The following TNKS2 variants were observed in gnomAD, a reference collection of about 807,000 sequenced individuals.
The protein encoded by TNKS2 is tankyrase 2.
Under a neutral mutation model 137.6 loss-of-function variants are expected in TNKS2, and 72 were observed. The ratio of observed to expected loss-of-function variants is 0.52; its 90% CI spans 0.43 to 0.64. The LOEUF (loss-of-function observed/expected upper bound fraction) is 0.64. Among genes scored for constraint, TNKS2 ranks in the 30% least tolerant of loss-of-function variants. TNKS2 has a pLI of 0.00. For synonymous variants in TNKS2, 516 were observed against 512.1 expected (o/e 1.01, Z -0.10); for missense variants, 1,049 against 1,410.2 (o/e 0.74, Z 4.10).
rs74149306 is a variant in TNKS2 at position 91,859,305 on chromosome 10, A to G, written c.3095-157A>G. 3.4e-3 allele frequency among the ~76,000 whole-genome samples: 515 copies of G among 152,278 alleles called. 3 individuals are homozygous for G. The highest frequency in any genetic ancestry group is 0.011 in the African/African-American group (473 of 41,560). ...TTGATGTTAGCAGTTCTTTATTCTA[A>G]AATAGCTGGCTGACAGTTAACTTGT... On this transcript the variant is annotated intron_variant, in intron 24 of 26. Coordinates refer to ENST00000371627, the MANE Select transcript of TNKS2 (RefSeq NM_025235.4).
chr10:91,801,182 T>C (rs928018224), intron 1 of TNKS2, among the ~76,000 whole-genome samples: 3 of 152,220 alleles, frequency 2.0e-5, no homozygotes, highest in Non-Finnish European at 4.4e-5. Context: ...TGAAAATTAG[T>C]TTAGAAAACA....
intron 1 of TNKS2, chr10:91,812,593 C>G (rs1053262455): frequency 5.7e-6 from 1 of 175,234 alleles, no homozygotes; most frequent in African/African-American, 2.4e-5. Flanking sequence ...GTCACTGTAT[C>G]ATAAGGTTGT....
chr10:91,830,922 G>A lies in TNKS2; in HGVS notation c.1105-1G>A. 1 of 1,603,254 alleles carries A rather than the reference G, an allele frequency of 6.2e-7. No homozygotes were observed. The highest frequency in any genetic ancestry group is 8.5e-7 in the Non-Finnish European group (1 of 1,174,494). On this transcript the variant is annotated splice_acceptor_variant, in intron 9 of 26. Transcript: ENST00000371627. LOFTEE classifies it high-confidence loss of function. ...TTAATGCTGCAATTTAAATTATTTA[G>A]CATTGTGCTGCTGCATCTCCATATC...
At chr10:91,845,676 G>T in intron 17 of TNKS2, 76 bp from the exon 18 acceptor site, 1 of 1,205,806 alleles carries the variant, frequency 8.3e-7, no homozygotes, top group Non-Finnish European at 1.1e-6. Context: ...AAGTAGGTAC[G>T]TAACTAGTTT....
intron 1 of TNKS2, among the ~76,000 whole-genome samples, chr10:91,805,299 C>T (rs936580795): frequency 5.9e-5 from 9 of 152,116 alleles, no homozygotes; most frequent in Admixed American, 3.9e-4. Flanking sequence ...CTATCAGTCA[C>T]CAGACTGGTT....
At position 91,863,063 on chromosome 10, in the gene TNKS2, G is replaced by A. The variant is rs1374126891; in HGVS notation, c.*64G>A. 34 of 1,177,696 alleles carry A rather than the reference G, an allele frequency of 2.9e-5. No homozygotes were observed. Among genetic ancestry groups the A allele is most frequent in the Admixed American group, 4.1e-5 (2 of 49,208 alleles). 73.0% of individuals were successfully genotyped at this position (1,177,696 alleles called of 1,614,324 possible). A position where few individuals can be genotyped will look rare whatever the true frequency, so the allele number is the denominator to read the frequency against. ...TCATCAAAGCAGCAGTGGCCTCTAC[G>A]TTTTACTCCTTTGCTGAAAAAAAAT... On this transcript the variant is annotated 3_prime_UTR_variant, in exon 27 of 27. Transcript: ENST00000371627.
chr10:91,821,699 T>G (rs986717357), intron 6 of TNKS2, among the ~76,000 whole-genome samples: 1 of 152,154 alleles, frequency 6.6e-6, no homozygotes, highest in Non-Finnish European at 1.5e-5. Context: ...CAAAAAAGTT[T>G]TAAAAATGAG....
At chr10:91,842,842 C>T (rs1294035132) in intron 16 of TNKS2, among the ~76,000 whole-genome samples, 1 of 152,182 alleles carries the variant, frequency 6.6e-6, no homozygotes, top group African/African-American at 2.4e-5. Context: ...TGTATTTGTA[C>T]AGGACGACCG....
Position 91,833,970 on chromosome 10 carries a change from C to A in TNKS2, c.1393C>A (p.Gln465Lys). 1 of 1,613,012 alleles carries A rather than the reference C, an allele frequency of 6.2e-7. No individual in the cohort carries two copies. Among genetic ancestry groups the A allele is most frequent in the South Asian group, 1.1e-5 (1 of 90,812 alleles). Residue 465 changes from glutamine to lysine, a missense_variant, in exon 12 of 27, where the codon CAG becomes AAG. Gln to Lys is a moderately conservative substitution (Grantham distance 53). Coordinates refer to ENST00000371627, the MANE Select transcript of TNKS2 (RefSeq NM_025235.4). ...YGCDPNIISL[Q>K]GFTALQMGNE... ...GTGTGATCCTAACATTATATCCCTT[C>A]AGGGCTTTACTGCTTTACAGATGGG...
At chr10:91,801,153 T>A (rs1324220678) in intron 1 of TNKS2, among the ~76,000 whole-genome samples, 1 of 152,230 alleles carries the variant, frequency 6.6e-6, no homozygotes, top group Non-Finnish European at 1.5e-5. Context: ...ACTGAGAGAT[T>A]CGTGCAGACC....
chr10:91,799,938 A>G (rs1844107660), intron 1 of TNKS2, among the ~76,000 whole-genome samples: 1 of 152,236 alleles, frequency 6.6e-6, no homozygotes. Flanking sequence ...GGCTAGATTG[A>G]TGAAGAGAAA....
intron 2 of TNKS2, among the ~76,000 whole-genome samples, chr10:91,816,195 G>T (rs900973560): frequency 6.6e-6 from 1 of 151,876 alleles, no homozygotes; most frequent in Non-Finnish European, 1.5e-5. Context: ...TGATCTGCCC[G>T]CCTCGGCCTC....
In TNKS2 at chr10:91,813,153, A is replaced by G; in HGVS notation, c.370A>G (p.Asn124Asp). Residue 124 changes from asparagine to aspartate, a missense_variant, in exon 2 of 27, where the codon AAT (asparagine) becomes GAT (aspartate). Coordinates refer to ENST00000371627, the MANE Select transcript of TNKS2 (RefSeq NM_025235.4). ...AGACCCCAATGCTCGAGATAATTGGAATTATACTCCTCTCCATGAAGCTGC... is the reference window on the plus strand; with the variant it reads ...AGACCCCAATGCTCGAGATAATTGGGATTATACTCCTCTCCATGAAGCTGC... ...GADPNARDNW[N>D]YTPLHEAAIK... 6 of 1,614,154 alleles carry G rather than the reference A, an allele frequency of 3.7e-6. No individual in the cohort carries two copies. Among genetic ancestry groups the G allele is most frequent in the Non-Finnish European group, 5.1e-6 (6 of 1,180,032 alleles).
intron 3 of TNKS2, among the ~76,000 whole-genome samples, chr10:91,818,770 C>T (rs1407522826): frequency 1.3e-5 from 2 of 152,046 alleles, no homozygotes; most frequent in African/African-American, 4.8e-5. Context: ...TGGGCTCAAG[C>T]GATCCACCCA....
chr10:91,798,945 G>T (rs1844062825), intron 1 of TNKS2, 56 bp downstream of exon 1: 3 of 1,313,230 alleles, frequency 2.3e-6, no homozygotes, highest in African/African-American at 1.5e-5. Flanking sequence ...CGCAGCCGGG[G>T]CCCACAGGTC....
At chr10:91,799,033 C>T in intron 1 of TNKS2, 144 bp downstream of exon 1, 1 of 1,215,034 alleles carries the variant, frequency 8.2e-7, no homozygotes, top group Non-Finnish European at 1.0e-6. Flanking sequence ...CCAGTGGGGA[C>T]TAAGGAGATT....
intron 25 of TNKS2, 35 bp from the exon 26 acceptor site, chr10:91,861,964 G>T: frequency 6.4e-7 from 1 of 1,569,914 alleles, no homozygotes; most frequent in South Asian, 1.2e-5. Context: ...TATCAAATTT[G>T]ACTTCAGGGT....
At chr10:91,854,863 A>G (rs1211896643) in intron 21 of TNKS2, among the ~76,000 whole-genome samples, 166 bp from the exon 22 acceptor site, 3 of 151,416 alleles carry the variant, frequency 2.0e-5, no homozygotes, top group Non-Finnish European at 2.9e-5. Flanking sequence ...AGATCACACC[A>G]GCCTAGCCTG....
Position 91,844,905 on chromosome 10 carries a change from C to T in TNKS2, c.2060-14C>T, listed in dbSNP as rs751685359. 14 of 1,567,782 alleles carry T rather than the reference C, an allele frequency of 8.9e-6. No individual in the cohort carries two copies. The highest frequency in any genetic ancestry group is 1.1e-5 in the Non-Finnish European group (13 of 1,147,616). ...AAAAACAAGTAAAGTAATTTTACTTCTTTTCTAAATTAGCTGGTTATAATA... is the reference window on the plus strand; with the variant it reads ...AAAAACAAGTAAAGTAATTTTACTTTTTTTCTAAATTAGCTGGTTATAATA... On this transcript the variant is annotated splice_polypyrimidine_tract_variant and intron_variant, in intron 16 of 26. Transcript: ENST00000371627.
Sources: allele counts gnomAD v4.1 joint callset (sites outside exome capture counted in the v4.1 genomes callset), GRCh38; gene constraint gnomAD v4.1.1; transcripts MANE v1.5; gene names NCBI Gene and HGNC (gene_info 2026-07-23, HGNC 2026-07-21).